DYNC2H1: variants seen among roughly 807,000 people sequenced by gnomAD.
DYNC2H1 encodes dynein cytoplasmic 2 heavy chain 1.
A neutral mutation model predicts 570.0 loss-of-function variants in DYNC2H1; 410 were observed. The ratio of observed to expected loss-of-function variants is 0.72; its 90% CI spans 0.66 to 0.78. The LOEUF (loss-of-function observed/expected upper bound fraction) is 0.78. Ranked by LOEUF, DYNC2H1 falls within the 30% of genes least tolerant of loss-of-function variation. The pLI is 0.00. For synonymous variants in DYNC2H1, 1,688 were observed against 1,677.6 expected (o/e 1.01, Z -0.15); for missense variants, 4,865 against 5,046.4 (o/e 0.96, Z 1.09).
Position 103,170,378 on chromosome 11 carries a change from A to G in DYNC2H1, c.5151+88A>G. On this transcript the variant is annotated intron_variant, in intron 33 of 88. Coordinates refer to ENST00000375735, the MANE Select transcript of DYNC2H1 (RefSeq NM_001377.3). This position sits in a 1 kb window ranked among gnomAD's most constrained non-coding sequence, Gnocchi z 4.8. ...TAGTATATGAAATACTCTACTTAAA[A>G]ATCACTACATTTAAATTAGTTGAAG... is the stretch of plus-strand genomic sequence containing the variant. The G allele has an allele frequency of 8.1e-7, 1 of 1,240,226 alleles. No homozygotes were observed. 76.8% of individuals were successfully genotyped at this position (1,240,226 alleles called of 1,614,324 possible).
At chr11:103,466,913 T>A (rs1287308808) in intron 87 of DYNC2H1, among the ~76,000 whole-genome samples, 2 of 152,186 alleles carry the variant, frequency 1.3e-5, no homozygotes, top group Non-Finnish European at 2.9e-5. Context: ...CATGCAAATG[T>A]GTATAAGGAA....
At chr11:103,127,461 A>G (rs1859058393) in intron 12 of DYNC2H1, among the ~76,000 whole-genome samples, 1 of 152,162 alleles carries the variant, frequency 6.6e-6, no homozygotes, top group African/African-American at 2.4e-5. Flanking sequence ...TTCTGGGCCT[A>G]TTTTTGTGGT....
In DYNC2H1 at chr11:103,170,570, ATCT is replaced by A. The variant is rs953554544; in HGVS notation, c.5151+284_5151+286del. ...TAAAGAGAATAATACAAAAGGAAAA[ATCT>A]TCTGTTCATTTCAGATGACAGTTTT... On this transcript the variant is annotated intron_variant, in intron 33 of 88. Transcript: ENST00000375735. The surrounding 1 kb of genome is among the most constrained non-coding windows in gnomAD (Gnocchi z 4.8). Among the ~76,000 whole-genome samples, 5 of 152,238 alleles carry A rather than the reference ATCT, an allele frequency of 3.3e-5. No homozygotes were observed. Among genetic ancestry groups the A allele is most frequent in the African/African-American group, 7.2e-5 (3 of 41,462 alleles).
chr11:103,310,279 C>T (rs1206764832), intron 78 of DYNC2H1, among the ~76,000 whole-genome samples: 1 of 151,562 alleles, frequency 6.6e-6, no homozygotes, highest in Non-Finnish European at 1.5e-5. Context: ...TCGTTTTCTT[C>T]TTCCTGATTT....
chr11:103,131,683 G>A (rs1487549766), intron 13 of DYNC2H1, among the ~76,000 whole-genome samples: 1 of 151,808 alleles, frequency 6.6e-6, no homozygotes, highest in East Asian at 1.9e-4. Flanking sequence ...CCTCATTCCT[G>A]AAGGATATTT....
chr11:103,188,599 C>T lies in DYNC2H1; in HGVS notation c.7243C>T (p.His2415Tyr). 1 of 1,610,122 alleles carries T rather than the reference C, an allele frequency of 6.2e-7. No individual in the cohort carries two copies. The highest frequency in any genetic ancestry group is 1.3e-5 in the African/African-American group (1 of 74,936). ...GTCAGCTGGAGGAAGACTGGGAAGA[C>T]ATAAACTTACTACCAGATTTACTTC... ...SMSAGGRLGR[H>Y]KLTTRFTSIV... The change falls in exon 44 of 89, where the codon CAT (histidine) becomes TAT (tyrosine). Residue 2415 changes from histidine to tyrosine, a missense_variant. Coordinates refer to ENST00000375735, the MANE Select transcript of DYNC2H1 (RefSeq NM_001377.3).
chr11:103,289,047 C>G lies in DYNC2H1; in HGVS notation c.11095+1442C>G, dbSNP rs1866481505. Reference sequence around the variant, plus strand: ...ACCCTGCACTAGATGGATCAGCTGACACAACCTAGTCCGGTAATCTGGCTC... The same window carrying G: ...ACCCTGCACTAGATGGATCAGCTGAGACAACCTAGTCCGGTAATCTGGCTC... On this transcript the variant is annotated intron_variant, in intron 75 of 88. Transcript: ENST00000375735. The surrounding 1 kb of genome is among the most constrained non-coding windows in gnomAD (Gnocchi z 4.2). Among the ~76,000 whole-genome samples, 1 of 152,086 alleles carries G rather than the reference C, an allele frequency of 6.6e-6. No individual in the cohort carries two copies. The highest frequency in any genetic ancestry group is 2.4e-5 in the African/African-American group (1 of 41,402).
rs1861696135 is a variant in DYNC2H1 at position 103,177,979 on chromosome 11, G to A, written c.6139+159G>A. ...GATATTTTACTTTGGAGGGGGCCAA[G>A]ACATGCTATCATTTTCAGTTAAACT... On this transcript the variant is annotated intron_variant, in intron 38 of 88. Transcript: ENST00000375735. This position sits in a 1 kb window ranked among gnomAD's most constrained non-coding sequence, Gnocchi z 4.4. Among the ~76,000 whole-genome samples the A allele has an allele frequency of 6.6e-6, 1 of 152,060 alleles. No homozygotes were observed. The highest frequency in any genetic ancestry group is 1.5e-5 in the Non-Finnish European group (1 of 67,986).
intron 55 of DYNC2H1, among the ~76,000 whole-genome samples, chr11:103,216,843 G>A (rs769261933): frequency 1.3e-5 from 2 of 151,690 alleles, no homozygotes; most frequent in Non-Finnish European, 2.9e-5. Flanking sequence ...GAAGTCTCTC[G>A]GGCATTACAA....
At chr11:103,357,502 A>G (rs1940405468) in intron 82 of DYNC2H1, among the ~76,000 whole-genome samples, 1 of 152,214 alleles carries the variant, frequency 6.6e-6, no homozygotes, top group Admixed American at 6.5e-5. Flanking sequence ...TTATTATGCT[A>G]TTCTTTTTCC....
At chr11:103,392,340 C>A (rs774712832) in intron 83 of DYNC2H1, among the ~76,000 whole-genome samples, 1 of 152,188 alleles carries the variant, frequency 6.6e-6, no homozygotes, top group African/African-American at 2.4e-5. Context: ...TTGCTAAGAC[C>A]GTTGGAAAAG....
At position 103,154,730 on chromosome 11, in the gene DYNC2H1, A is replaced by T. The variant is rs1860732808; in HGVS notation, c.3494A>T (p.Asn1165Ile). 3 of 1,572,206 alleles carry T rather than the reference A, an allele frequency of 1.9e-6. No individual in the cohort carries two copies. The South Asian group carries it at 3.6e-5, about 19-fold the overall frequency. The change falls in exon 24 of 89, where the codon AAC becomes ATC. Residue 1165 changes from asparagine (N) to isoleucine (I), a missense_variant. Transcript: ENST00000375735. ...TACCTGTTTGAGGAATTTTTGATGA[A>T]CTGGCATGACAGATTAAGGAAGGTT... ...KTYLFEEFLM[N>I]WHDRLRKVEE... is the part of the protein sequence containing the mutation.
chr11:103,350,123 G>T (rs1289608075), intron 82 of DYNC2H1, among the ~76,000 whole-genome samples: 1 of 152,038 alleles, frequency 6.6e-6, no homozygotes, highest in Non-Finnish European at 1.5e-5. Flanking sequence ...CATCATCATT[G>T]TACATGGCCA....
At chr11:103,248,991 A>G (rs772574837) in intron 65 of DYNC2H1, among the ~76,000 whole-genome samples, 3 of 152,078 alleles carry the variant, frequency 2.0e-5, no homozygotes, top group Non-Finnish European at 4.4e-5. Flanking sequence ...CAACTCTTGT[A>G]CCTTGCCCAA....
At chr11:103,455,851 A>G (rs182887279) in intron 86 of DYNC2H1, among the ~76,000 whole-genome samples, 67 of 152,262 alleles carry the variant, frequency 4.4e-4, no homozygotes, top group Middle Eastern at 3.4e-3. Flanking sequence ...ACAAGTTGGA[A>G]TGTAATAAAA....
intron 60 of DYNC2H1, among the ~76,000 whole-genome samples, chr11:103,232,827 T>C (rs929935516): frequency 2.0e-5 from 3 of 152,044 alleles, no homozygotes; most frequent in African/African-American, 7.2e-5. Flanking sequence ...GATGCAGCTT[T>C]CCATTTCCAG....
At chr11:103,380,564 T>A (rs1941602311) in intron 83 of DYNC2H1, among the ~76,000 whole-genome samples, 1 of 152,052 alleles carries the variant, frequency 6.6e-6, no homozygotes, top group African/African-American at 2.4e-5. Flanking sequence ...GATGAGGAAT[T>A]TTTTTTGTTT....
At chr11:103,171,444 T>G (rs1861567269) in intron 34 of DYNC2H1, among the ~76,000 whole-genome samples, 1 of 151,888 alleles carries the variant, frequency 6.6e-6, no homozygotes, top group African/African-American at 2.4e-5. Flanking sequence ...TTAGTAGAGA[T>G]AGGGTTTGAT....
chr11:103,202,253 G>A (rs1025139057), intron 50 of DYNC2H1, among the ~76,000 whole-genome samples: 3 of 150,842 alleles, frequency 2.0e-5, no homozygotes, highest in Non-Finnish European at 4.4e-5. Context: ...GTCACTAGAT[G>A]GAGACATTGT....
Sources: allele counts gnomAD v4.1 joint callset (sites outside exome capture counted in the v4.1 genomes callset), GRCh38; gene constraint gnomAD v4.1.1; non-coding constraint Gnocchi (gnomAD v3.1); transcripts MANE v1.5; gene names NCBI Gene and HGNC (gene_info 2026-07-23, HGNC 2026-07-21).